The following CSMD3 variants were observed in gnomAD, a reference collection of about 807,000 sequenced individuals.
The protein encoded by CSMD3 is CUB and Sushi multiple domains 3, also known as CUB and sushi domain-containing protein 3.
Under a neutral mutation model 435.2 loss-of-function variants are expected in CSMD3, and 177 were observed. The observed-to-expected ratio is 0.41, with a 90% CI of 0.36 to 0.46. The LOEUF (loss-of-function observed/expected upper bound fraction) is 0.46. CSMD3 is among the 20% of genes least tolerant of loss of function. CSMD3 has a pLI of 0.34. For synonymous variants in CSMD3, 1,656 were observed against 1,520.5 expected, an observed-to-expected ratio of 1.09 and a Z score of -2.07; for missense variants, 4,265 against 4,504.6, an observed-to-expected ratio of 0.95 and a Z score of 1.52.
At chr8:112,740,624 G>A (rs995574753) in intron 13 of CSMD3, among the ~76,000 whole-genome samples, 7 of 151,902 alleles carry the variant, frequency 4.6e-5, no homozygotes, top group Admixed American at 3.3e-4. Flanking sequence ...AGGAAGTCTG[G>A]TTGAGATCAG....
chr8:112,745,346 T>C (rs1410304171), intron 13 of CSMD3, among the ~76,000 whole-genome samples: 1 of 152,052 alleles, frequency 6.6e-6, no homozygotes, highest in Non-Finnish European at 1.5e-5. Context: ...GAAAAAATAG[T>C]TTCTACTATA....
chr8:112,603,124 C>G (rs1038777278), intron 22 of CSMD3, among the ~76,000 whole-genome samples: 1 of 152,180 alleles, frequency 6.6e-6, no homozygotes, highest in South Asian at 2.1e-4. Flanking sequence ...GTGATACACC[C>G]ACCTCGCCCT....
At chr8:112,770,957 G>C (rs1463790211) in intron 13 of CSMD3, among the ~76,000 whole-genome samples, 1 of 151,926 alleles carries the variant, frequency 6.6e-6, no homozygotes, top group East Asian at 1.9e-4. Flanking sequence ...CTAATGTCAA[G>C]ATTGTATAAT....
chr8:112,728,390 T>A (rs1351856685), intron 13 of CSMD3, among the ~76,000 whole-genome samples: 1 of 152,008 alleles, frequency 6.6e-6, no homozygotes, highest in Admixed American at 6.6e-5. Flanking sequence ...TATACACGTA[T>A]GTATGTAAAT....
At chr8:112,596,267 G>A (rs1373383222) in intron 22 of CSMD3, among the ~76,000 whole-genome samples, 2 of 152,116 alleles carry the variant, frequency 1.3e-5, no homozygotes, top group African/African-American at 4.8e-5. Context: ...AAGAGACAAA[G>A]AAGGCCATTA....
At chr8:112,968,954 C>G (rs12550692) in intron 7 of CSMD3, among the ~76,000 whole-genome samples, 102,216 of 151,820 alleles carry the variant, frequency 0.67, 35,998 homozygotes, top group East Asian at 0.95. Flanking sequence ...AGTCTTAATA[C>G]AATATTTGAA....
intron 1 of CSMD3, among the ~76,000 whole-genome samples, chr8:113,318,786 A>ATGTGTGTGTGTGTGTGTGTGTGTGTGTG (rs56269027): frequency 8.6e-5 from 12 of 140,062 alleles, no homozygotes; most frequent in South Asian, 2.4e-4. Context: ...GCTGAATAAG[A>ATGTGTGTGTGTGTGTGTGTGTGTGTGTG]TGTGTGTGTG....
At chr8:113,042,128 G>A (rs72683869) in intron 5 of CSMD3, among the ~76,000 whole-genome samples, 3,354 of 152,020 alleles carry the variant, frequency 0.022, 56 homozygotes, top group South Asian at 0.031. Context: ...GCTTCATTTT[G>A]TATGTTTTTG....
chr8:112,597,561 C>T (rs1453522270), intron 22 of CSMD3, among the ~76,000 whole-genome samples: 11 of 118,480 alleles, frequency 9.3e-5, no homozygotes, highest in African/African-American at 3.2e-4. Context: ...AGAGACACAA[C>T]CAAAAAAGAG....
intron 3 of CSMD3, among the ~76,000 whole-genome samples, chr8:113,180,104 A>C (rs1397042821): frequency 1.3e-5 from 2 of 151,950 alleles, no homozygotes. Context: ...ATATCTACTA[A>C]GGGAAGTAAA....
intron 61 of CSMD3, 67 bp downstream of exon 61, chr8:112,263,572 A>G: frequency 7.7e-7 from 1 of 1,293,050 alleles, no homozygotes; most frequent in South Asian, 1.2e-5. Context: ...AAGCTTAACA[A>G]TCTCATATTT....
At chr8:112,533,683 A>G (rs1160727562) in intron 27 of CSMD3, among the ~76,000 whole-genome samples, 2 of 152,096 alleles carry the variant, frequency 1.3e-5, no homozygotes, top group Non-Finnish European at 2.9e-5. Flanking sequence ...GGGGACTTCA[A>G]CACTCCACAA....
chr8:112,818,712 T>C (rs1176432620), intron 12 of CSMD3, among the ~76,000 whole-genome samples: 7 of 152,156 alleles, frequency 4.6e-5, no homozygotes, highest in South Asian at 2.1e-4. Context: ...CTTTCTCTAG[T>C]TTAACTCTTG....
In CSMD3 at chr8:112,550,683, T is replaced by C. The variant is rs1368910591; in HGVS notation, c.4552A>G (p.Ile1518Val). ...DFYISKSGFA[I>V]QFSSSVATAC... ...TGAAAAAACTTACTTGAAAACTGAA[T>C]TGCAAATCCAGATTTGCTAATATAA... Residue 1518 changes from isoleucine (I) to valine (V), a missense_variant, in exon 27 of 71, where the codon ATT becomes GTT. This residue lies in a region of CSMD3 where 3,255 missense variants were observed against 3,380.2 expected (regional missense o/e 0.96). Transcript: ENST00000297405. The C allele has an allele frequency of 1.9e-6, 3 of 1,596,466 alleles. No homozygotes were observed. The highest frequency in any genetic ancestry group is 2.6e-6 in the Non-Finnish European group (3 of 1,164,602).
At chr8:112,530,010 T>C (rs1825367698) in intron 27 of CSMD3, among the ~76,000 whole-genome samples, 2 of 151,670 alleles carry the variant, frequency 1.3e-5, no homozygotes, top group South Asian at 4.1e-4. Context: ...AAGAACACAA[T>C]AACTAAAGTG....
At chr8:113,250,249 C>T (rs2093322277) in intron 3 of CSMD3, among the ~76,000 whole-genome samples, 1 of 151,970 alleles carries the variant, frequency 6.6e-6, no homozygotes, top group African/African-American at 2.4e-5. Flanking sequence ...AGAGGAATTC[C>T]CAAACTTGGT....
chr8:112,898,415 T>G (rs2082011423), intron 10 of CSMD3, among the ~76,000 whole-genome samples: 1 of 151,340 alleles, frequency 6.6e-6, no homozygotes, highest in African/African-American at 2.4e-5. Context: ...GCCCAATTTT[T>G]ATGTTACTTG....
chr8:112,838,217 C>T (rs1412361136), intron 11 of CSMD3, among the ~76,000 whole-genome samples: 6 of 151,494 alleles, frequency 4.0e-5, no homozygotes, highest in East Asian at 3.9e-4. Flanking sequence ...ATGTGAAATA[C>T]GGCAAAGTGA....
At chr8:113,326,446 C>T (rs2093984629) in intron 1 of CSMD3, among the ~76,000 whole-genome samples, 1 of 151,618 alleles carries the variant, frequency 6.6e-6, no homozygotes, top group African/African-American at 2.4e-5. Flanking sequence ...GATTTGTCTA[C>T]AAATTAAACA....
Sources: gnomAD v4.1 joint callset for allele counts (sites outside exome capture counted in the v4.1 genomes callset) on GRCh38, gnomAD v4.1.1 for gene constraint, gnomAD v4.1.1 regional missense constraint, MANE v1.5 for transcripts, NCBI Gene and HGNC (gene_info 2026-07-23, HGNC 2026-07-21) for gene names.